The following SCTR variants were observed in gnomAD, a reference collection of about 807,000 sequenced individuals.
SCTR encodes the protein pancreatic secretin receptor.
SCTR carries 56 observed loss-of-function variants against 60.8 expected under a neutral mutation model. That is an observed-to-expected ratio of 0.92 (90% CI 0.74 to 1.15). The LOEUF is 1.15. Among genes scored for constraint, SCTR ranks in the 50% most tolerant of loss-of-function variants. SCTR has a pLI of 0.00. For synonymous variants in SCTR, 202 were observed against 217.0 expected (o/e 0.93, Z 0.61); for missense variants, 562 against 550.4 (o/e 1.02, Z -0.21).
chr2:119,446,103 G>C (rs1682915976), intron 11 of SCTR, among the ~76,000 whole-genome samples: 1 of 152,282 alleles, frequency 6.6e-6, no homozygotes, highest in South Asian at 2.1e-4. Flanking sequence ...GGAATTAGTA[G>C]GTAAGCGCTT....
intron 1 of SCTR, among the ~76,000 whole-genome samples, chr2:119,516,842 C>G (rs1679131448): frequency 6.6e-6 from 1 of 152,124 alleles, no homozygotes; most frequent in Non-Finnish European, 1.5e-5. Context: ...GCCTCTAATC[C>G]CAGCTACTCG....
intron 7 of SCTR, among the ~76,000 whole-genome samples, chr2:119,460,767 C>T (rs895377070): frequency 2.6e-5 from 4 of 152,216 alleles, no homozygotes; most frequent in Non-Finnish European, 5.9e-5. Flanking sequence ...TTGGCTGTCT[C>T]GCTCTCATTC....
At chr2:119,478,684 C>CT (rs1677449139) in intron 3 of SCTR, 127 bp downstream of exon 3, 11 of 762,568 alleles carry the variant, frequency 1.4e-5, no homozygotes. Flanking sequence ...TTGCAGTGAT[C>CT]TCCCCCATCA....
rs1427124815 is a variant in SCTR, at chr2:119,524,447, G to C, written c.-221C>G. 2 of 366,726 alleles carry C rather than the reference G, an allele frequency of 5.5e-6. No homozygotes were observed. The highest frequency in any genetic ancestry group is 8.2e-5 in the East Asian group (2 of 24,340). 22.7% of individuals were successfully genotyped at this position (366,726 alleles called of 1,614,324 possible). On this transcript the variant is annotated 5_prime_UTR_variant, in exon 1 of 13. Coordinates refer to ENST00000019103, the MANE Select transcript of SCTR (RefSeq NM_002980.3). ...CCGCCCGCCCCATTGATCAGGACGC[G>C]GCTTTGCCGGCGCGCCTCCTCCACC...
At chr2:119,454,628 T>G (rs1573808999) in intron 7 of SCTR, among the ~76,000 whole-genome samples, 1 of 151,890 alleles carries the variant, frequency 6.6e-6, no homozygotes, top group African/African-American at 2.4e-5. Context: ...CTGAGGCAGG[T>G]GGATCACCCG....
At chr2:119,491,431 G>A (rs2104892477) in intron 2 of SCTR, among the ~76,000 whole-genome samples, 1 of 152,302 alleles carries the variant, frequency 6.6e-6, no homozygotes, top group East Asian at 1.9e-4. Context: ...GCCAGGTGAA[G>A]CCTCCTGATT....
chr2:119,488,024 C>T (rs1573889536), intron 2 of SCTR, among the ~76,000 whole-genome samples: 1 of 152,196 alleles, frequency 6.6e-6, no homozygotes, highest in African/African-American at 2.4e-5. Context: ...CCTCAGACAT[C>T]ACACCCGCTC....
chr2:119,497,188 G>A (rs950082100), intron 1 of SCTR, among the ~76,000 whole-genome samples: 10 of 152,062 alleles, frequency 6.6e-5, no homozygotes, highest in Non-Finnish European at 1.5e-4. Context: ...TGTGTCAGTG[G>A]AGACTGTGTG....
intron 4 of SCTR, among the ~76,000 whole-genome samples, chr2:119,471,528 G>C (rs1339693644): frequency 6.6e-6 from 1 of 152,204 alleles, no homozygotes; most frequent in African/African-American, 2.4e-5. Flanking sequence ...CCTCCACATA[G>C]AGCAAGGCTG....
chr2:119,473,580 G>A (rs753042455), intron 3 of SCTR, 24 bp from the exon 4 acceptor site: 1 of 1,429,182 alleles, frequency 7.0e-7, no homozygotes, highest in Admixed American at 1.7e-5. Flanking sequence ...GAGTCCTGTA[G>A]GTGAGCCATG....
At chr2:119,478,322 A>G (rs969319315) in intron 3 of SCTR, among the ~76,000 whole-genome samples, 3 of 152,206 alleles carry the variant, frequency 2.0e-5, no homozygotes, top group Admixed American at 1.3e-4. Flanking sequence ...TTAAATCCGC[A>G]GCTGTCTTCT....
intron 7 of SCTR, among the ~76,000 whole-genome samples, chr2:119,453,889 A>C (rs1683269150): frequency 6.6e-6 from 1 of 152,258 alleles, no homozygotes; most frequent in South Asian, 2.1e-4. Context: ...ACTAGAGATG[A>C]GATCAAGTCC....
At chr2:119,498,908 C>T (rs1678441556) in intron 1 of SCTR, among the ~76,000 whole-genome samples, 1 of 151,930 alleles carries the variant, frequency 6.6e-6, no homozygotes, top group African/African-American at 2.4e-5. Context: ...TGTAAATGGT[C>T]TAAACACACC....
intron 7 of SCTR, among the ~76,000 whole-genome samples, chr2:119,455,288 A>G (rs559735202): frequency 1.3e-5 from 2 of 152,360 alleles, no homozygotes; most frequent in South Asian, 4.1e-4. Context: ...GGACCCCCCA[A>G]CACTTCCAGT....
rs995254875 is a variant in SCTR, at chr2:119,464,270, T to A, written c.504-15A>T. On this transcript the variant is annotated splice_polypyrimidine_tract_variant and intron_variant, in intron 5 of 12. Coordinates refer to ENST00000019103, the MANE Select transcript of SCTR (RefSeq NM_002980.3). ...AGTGGAGCCTCCTGCAGGGAGAGAA[T>A]GTAGGGACATAGAGGCCAGAGCCTG... 6.2e-7 allele frequency: 1 copy of A among 1,613,948 alleles called. No individual in the cohort carries two copies. The highest frequency in any genetic ancestry group is 8.5e-7 in the Non-Finnish European group (1 of 1,179,934).
intron 4 of SCTR, among the ~76,000 whole-genome samples, chr2:119,471,389 C>T (rs1250330205): frequency 1.3e-5 from 2 of 152,284 alleles, no homozygotes; most frequent in South Asian, 2.1e-4. Flanking sequence ...CACGAGTGCT[C>T]ACTCCTTGTC....
At position 119,482,019 on chromosome 2, in the gene SCTR, G is replaced by A. The variant is rs998813072; in HGVS notation, c.194-3101C>T. On this transcript the variant is annotated intron_variant, in intron 2 of 12. Transcript: ENST00000019103. ...CTGGCTCTACCCCCACTTTATAAACGCAGCAATCAAGCAGAGCCAGAAGTG... is the reference window on the plus strand; with the variant it reads ...CTGGCTCTACCCCCACTTTATAAACACAGCAATCAAGCAGAGCCAGAAGTG... 1.2e-4 allele frequency among the ~76,000 whole-genome samples: 18 copies of A among 152,260 alleles called. 1 individual carries two copies. Among genetic ancestry groups the A allele is most frequent in the African/African-American group, 3.9e-4 (16 of 41,536 alleles).
intron 6 of SCTR, among the ~76,000 whole-genome samples, chr2:119,462,420 A>G (rs766005792): frequency 3.9e-5 from 6 of 152,258 alleles, no homozygotes; most frequent in Non-Finnish European, 8.8e-5. Flanking sequence ...TTCTAAGCTC[A>G]GTTCCCTTGC....
chr2:119,510,721 A>G (rs1655052612), intron 1 of SCTR, among the ~76,000 whole-genome samples: 1 of 145,744 alleles, frequency 6.9e-6, no homozygotes, highest in African/African-American at 2.8e-5. Context: ...TTTTTTTTAA[A>G]TCCCTTTAAA....
Sources: allele counts gnomAD v4.1 joint callset (sites outside exome capture counted in the v4.1 genomes callset), GRCh38; gene constraint gnomAD v4.1.1; transcripts MANE v1.5; gene names NCBI Gene and HGNC (gene_info 2026-07-23, HGNC 2026-07-21).